Variants in PPP1R12A observed in about 807,000 individuals in gnomAD.
The protein encoded by PPP1R12A is protein phosphatase 1 regulatory subunit 12A.
PPP1R12A carries 19 observed loss-of-function variants against 139.6 expected under a neutral mutation model. The ratio of observed to expected loss-of-function variants is 0.14; its 90% CI spans 0.09 to 0.20. The LOEUF is 0.20. Among genes scored for constraint, PPP1R12A ranks in the 10% least tolerant of loss-of-function variants. The probability of loss-of-function intolerance (pLI) is 1.00; values close to 1 mark genes in which losing one functional copy is unlikely to be tolerated. For missense variants in PPP1R12A, 925 were observed against 1,211.5 expected, an observed-to-expected ratio of 0.76 and a Z score of 3.51; for synonymous variants, 427 against 420.6, an observed-to-expected ratio of 1.02 and a Z score of -0.19.
intron 8 of PPP1R12A, among the ~76,000 whole-genome samples, chr12:79,817,957 C>T (rs1875611056): frequency 6.6e-6 from 1 of 152,124 alleles, no homozygotes; most frequent in South Asian, 2.1e-4. Context: ...GTGCTTTTGT[C>T]AATAATTACC....
chr12:79,912,974 T>C (rs1258370221), intron 1 of PPP1R12A, among the ~76,000 whole-genome samples: 1 of 152,232 alleles, frequency 6.6e-6, no homozygotes, highest in African/African-American at 2.4e-5. Context: ...ACACTAGCAG[T>C]GTATGAGAAT....
chr12:79,885,300 T>C (rs1337429153), intron 1 of PPP1R12A, among the ~76,000 whole-genome samples: 3 of 152,154 alleles, frequency 2.0e-5, no homozygotes, highest in Non-Finnish European at 4.4e-5. Context: ...ATGAGAAATA[T>C]ATGAATATAT....
intron 2 of PPP1R12A, among the ~76,000 whole-genome samples, chr12:79,869,662 G>A (rs1029751416): frequency 5.9e-5 from 9 of 152,136 alleles, no homozygotes; most frequent in Non-Finnish European, 1.3e-4. Context: ...AAGTAGTCCA[G>A]TATTGACAGA....
At chr12:79,795,414 A>G (rs1190250897) in intron 18 of PPP1R12A, among the ~76,000 whole-genome samples, 1 of 152,170 alleles carries the variant, frequency 6.6e-6, no homozygotes, top group Non-Finnish European at 1.5e-5. Flanking sequence ...TATTATTTCT[A>G]TTCCATAATT....
chr12:79,926,673 A>AT (rs940164466), intron 1 of PPP1R12A, among the ~76,000 whole-genome samples: 1 of 151,934 alleles, frequency 6.6e-6, no homozygotes. Context: ...ATTGTGTCCA[A>AT]TTTTTTTTAA....
intron 23 of PPP1R12A, chr12:79,779,430 T>C: frequency 9.6e-7 from 1 of 1,038,590 alleles, no homozygotes; most frequent in Non-Finnish European, 1.3e-6. Flanking sequence ...GATTAATAAA[T>C]AATGCTGATA....
intron 14 of PPP1R12A, 33 bp from the exon 15 acceptor site, chr12:79,798,617 AAATAC>A (rs1283949420): frequency 8.1e-7 from 1 of 1,233,346 alleles, no homozygotes; most frequent in South Asian, 1.4e-5. Context: ...CGTTAGTTGT[AAATAC>A]AATACCTGTG....
chr12:79,884,675 C>T (rs139745897), intron 1 of PPP1R12A, among the ~76,000 whole-genome samples: 9 of 152,194 alleles, frequency 5.9e-5, no homozygotes, highest in African/African-American at 1.7e-4. Context: ...AGAAGCAGAA[C>T]GGCTCAAATA....
chr12:79,881,503 A>G (rs1490158459), intron 1 of PPP1R12A, among the ~76,000 whole-genome samples: 2 of 152,186 alleles, frequency 1.3e-5, no homozygotes, highest in Non-Finnish European at 2.9e-5. Context: ...GAAGCCCAAG[A>G]GAGGTGAGGA....
intron 2 of PPP1R12A, among the ~76,000 whole-genome samples, chr12:79,850,551 G>T (rs995279995): frequency 2.0e-5 from 3 of 152,182 alleles, no homozygotes; most frequent in Non-Finnish European, 4.4e-5. Flanking sequence ...ACTTAGTGAA[G>T]AGAGACAAAG....
intron 5 of PPP1R12A, among the ~76,000 whole-genome samples, chr12:79,824,789 A>C (rs1876563765): frequency 6.6e-6 from 1 of 152,166 alleles, no homozygotes; most frequent in Admixed American, 6.5e-5. Flanking sequence ...CAAAGCAACC[A>C]GGCAACAAAT....
intron 1 of PPP1R12A, among the ~76,000 whole-genome samples, chr12:79,920,247 T>A (rs1310000156): frequency 6.6e-6 from 1 of 152,258 alleles, no homozygotes; most frequent in African/African-American, 2.4e-5. Context: ...GGACAAAACA[T>A]ATCACTTTAT....
At chr12:79,883,855 A>C (rs1883868293) in intron 1 of PPP1R12A, among the ~76,000 whole-genome samples, 4 of 152,212 alleles carry the variant, frequency 2.6e-5, no homozygotes, top group Admixed American at 2.0e-4. Context: ...TAGAAATAGA[A>C]AGTTCAAGAC....
At chr12:79,876,286 C>A (rs1883094190) in intron 1 of PPP1R12A, among the ~76,000 whole-genome samples, 1 of 152,174 alleles carries the variant, frequency 6.6e-6, no homozygotes, top group Non-Finnish European at 1.5e-5. Context: ...TCTGTTTACC[C>A]ACTCCCAGAA....
intron 1 of PPP1R12A, among the ~76,000 whole-genome samples, chr12:79,876,689 A>G (rs1229578940): frequency 6.6e-6 from 1 of 152,208 alleles, no homozygotes; most frequent in African/African-American, 2.4e-5. Flanking sequence ...AAATGCTTTT[A>G]GCAGCATTTC....
chr12:79,846,414 C>T (rs1188137349), intron 2 of PPP1R12A, among the ~76,000 whole-genome samples: 1 of 150,352 alleles, frequency 6.7e-6, no homozygotes, highest in East Asian at 2.0e-4. Context: ...CATCTATTAC[C>T]CAAGTCAATT....
In PPP1R12A at chr12:79,814,673, G is replaced by A. The variant is rs1345986183; in HGVS notation, c.1239+2721C>T. Among the ~76,000 whole-genome samples the A allele has an allele frequency of 2.7e-5, 4 of 150,648 alleles. No homozygotes were observed. The East Asian group carries it at 5.9e-4, about 22-fold the overall frequency. ...TCTACTAAAAATACAAAAATTAGCT[G>A]GGTGTGGTGGCAGGTGTCTGTAATT... On this transcript the variant is annotated intron_variant, in intron 9 of 24. Transcript: ENST00000450142.
chr12:79,865,774 C>T (rs11830562), intron 2 of PPP1R12A, among the ~76,000 whole-genome samples: 159 of 152,226 alleles, frequency 1.0e-3, no homozygotes, highest in African/African-American at 3.7e-3. Context: ...ATGTGAAGGA[C>T]CTCTTCAAGG....
intron 1 of PPP1R12A, among the ~76,000 whole-genome samples, chr12:79,924,675 C>T (rs1457631655): frequency 6.6e-6 from 1 of 152,192 alleles, no homozygotes; most frequent in Non-Finnish European, 1.5e-5. Context: ...GCAATCCTCC[C>T]ACCTCGGCCT....
Sources: allele counts gnomAD v4.1 joint callset (sites outside exome capture counted in the v4.1 genomes callset), GRCh38; gene constraint gnomAD v4.1.1; transcripts MANE v1.5; gene names NCBI Gene and HGNC (gene_info 2026-07-23, HGNC 2026-07-21).